The following IGF2R variants were observed in gnomAD, a reference collection of about 807,000 sequenced individuals.
IGF2R encodes insulin like growth factor 2 receptor, also known as cation-independent mannose-6-phosphate receptor.
A neutral mutation model predicts 270.6 loss-of-function variants in IGF2R; 91 were observed. That is an observed-to-expected ratio of 0.34 (90% CI 0.28 to 0.40). The LOEUF (loss-of-function observed/expected upper bound fraction) is 0.40, where lower values mean the gene tolerates loss of function less well. Ranked by LOEUF, IGF2R falls within the 10% of genes least tolerant of loss-of-function variation. The probability of loss-of-function intolerance (pLI) is 1.00; values close to 1 mark genes in which losing one functional copy is unlikely to be tolerated. For synonymous variants in IGF2R, 1,316 were observed against 1,258.9 expected, an observed-to-expected ratio of 1.05 and a Z score of -0.96; for missense variants, 2,805 against 3,188.3, an observed-to-expected ratio of 0.88 and a Z score of 2.90.
intron 3 of IGF2R, 72 bp from the exon 4 acceptor site, chr6:160,010,615 A>G: frequency 1.0e-6 from 1 of 966,580 alleles, no homozygotes; most frequent in Admixed American, 1.9e-5. Context: ...CCTTTACTGC[A>G]TTCTCATTTT....
chr6:159,986,560 G>T (rs1258854746), intron 1 of IGF2R, among the ~76,000 whole-genome samples: 3 of 151,838 alleles, frequency 2.0e-5, no homozygotes, highest in East Asian at 1.9e-4. Flanking sequence ...GTGCCACTGC[G>T]CATGGCCTGA....
chr6:160,057,932 A>G (rs1413156651), intron 20 of IGF2R, 91 bp from the exon 21 acceptor site: 3 of 752,028 alleles, frequency 4.0e-6, no homozygotes, highest in Non-Finnish European at 7.2e-6. Flanking sequence ...TCAGGTGCAT[A>G]CTTGCAGGTT....
intron 13 of IGF2R, among the ~76,000 whole-genome samples, chr6:160,044,903 C>T (rs1160490950): frequency 1.3e-5 from 2 of 152,176 alleles, no homozygotes; most frequent in Non-Finnish European, 2.9e-5. Flanking sequence ...TGGGTCTCAG[C>T]GCTGTATCCT....
At chr6:160,079,239 G>A (rs1583296126) in intron 37 of IGF2R, among the ~76,000 whole-genome samples, 1 of 152,330 alleles carries the variant, frequency 6.6e-6, no homozygotes, top group East Asian at 1.9e-4. Context: ...CCCGCACAAT[G>A]TCTTATTACA....
At chr6:160,006,581 G>T (rs1408741157) in intron 2 of IGF2R, 1 of 152,336 alleles carries the variant, frequency 6.6e-6, no homozygotes, top group African/African-American at 2.4e-5. Flanking sequence ...GGAGAAGGAT[G>T]ATCGTGGCTG....
intron 2 of IGF2R, among the ~76,000 whole-genome samples, chr6:159,995,060 A>G (rs920795584): frequency 1.3e-5 from 2 of 152,080 alleles, no homozygotes. Flanking sequence ...CATTATTATT[A>G]CATTGCTGTC....
chr6:160,065,383 C>T (rs1439111923), intron 29 of IGF2R, among the ~76,000 whole-genome samples: 1 of 152,172 alleles, frequency 6.6e-6, no homozygotes, highest in Non-Finnish European at 1.5e-5. Flanking sequence ...GTATGAGCCA[C>T]TTGATCACTG....
rs1784087915 is a variant in IGF2R, at chr6:159,998,792, G to A, written c.289+7469G>A. On this transcript the variant is annotated intron_variant, in intron 2 of 47. Transcript: ENST00000356956. The surrounding 1 kb of genome is among the most constrained non-coding windows in gnomAD (Gnocchi z 4.1). The stretch of plus-strand genomic sequence containing the variant: ...GTCAATGAGAGTGACATTCACAGTA[G>A]CATAGGGATAATCCCGAATCAAATC... 6.6e-6 allele frequency among the ~76,000 whole-genome samples: 1 copy of A among 152,166 alleles called. No individual in the cohort carries two copies. The highest frequency in any genetic ancestry group is 1.5e-5 in the Non-Finnish European group (1 of 68,028).
intron 22 of IGF2R, among the ~76,000 whole-genome samples, chr6:160,059,821 C>T (rs1296320874): frequency 1.3e-5 from 2 of 152,258 alleles, no homozygotes; most frequent in South Asian, 4.1e-4. Flanking sequence ...TTTGTACTTG[C>T]TCCTCGCTCT....
chr6:160,099,393 G>C (rs1228966556), intron 45 of IGF2R, among the ~76,000 whole-genome samples: 1 of 149,018 alleles, frequency 6.7e-6, no homozygotes, highest in South Asian at 2.1e-4. Flanking sequence ...TTTTGAGACA[G>C]AGTCTCGCTC....
At chr6:160,047,700 G>A in intron 16 of IGF2R, 92 bp from the exon 17 acceptor site, 1 of 821,606 alleles carries the variant, frequency 1.2e-6, no homozygotes, top group Non-Finnish European at 2.2e-6. Flanking sequence ...GTTTCTCATT[G>A]GGAACATTGC....
chr6:160,072,676 C>A, intron 32 of IGF2R, 89 bp from the exon 33 acceptor site: 1 of 1,452,806 alleles, frequency 6.9e-7, no homozygotes, highest in Non-Finnish European at 9.7e-7. Context: ...CCGATGCTGA[C>A]ATAATCTGTG....
intron 7 of IGF2R, among the ~76,000 whole-genome samples, chr6:160,031,760 G>C (rs1470621988): frequency 1.3e-5 from 2 of 152,202 alleles, no homozygotes; most frequent in Non-Finnish European, 2.9e-5. Context: ...AGTGCCTGGC[G>C]TGTAGCAGGT....
intron 4 of IGF2R, among the ~76,000 whole-genome samples, chr6:160,019,270 A>G (rs373709309): frequency 8.5e-5 from 13 of 152,300 alleles, no homozygotes; most frequent in African/African-American, 2.6e-4. Context: ...ACCAATAACA[A>G]GTATTGGGAT....
At chr6:160,008,869 A>G (rs1371124364) in intron 2 of IGF2R, 141 bp from the exon 3 acceptor site, 1 of 811,656 alleles carries the variant, frequency 1.2e-6, no homozygotes, top group African/African-American at 1.7e-5. Context: ...CTGAGATGGA[A>G]AATTCTGGGA....
rs376744962 is a variant in IGF2R, at chr6:160,008,085, G to T, written c.290-925G>T. Among the ~76,000 whole-genome samples, 9 of 152,186 alleles carry T rather than the reference G, an allele frequency of 5.9e-5. No homozygotes were observed. In the East Asian group the frequency reaches 1.7e-3, roughly 29 times the overall value. On this transcript the variant is annotated intron_variant, in intron 2 of 47. Transcript: ENST00000356956. ...ATGATCTAAAAAAAATCACAAAAAA[G>T]ATCTCATAATGTTTTAAGAAAGTTT...
rs184642102 is a variant in IGF2R at position 159,989,314 on chromosome 6, C to T, written c.150-1870C>T. 6.8e-4 allele frequency among the ~76,000 whole-genome samples: 103 copies of T among 152,148 alleles called. 2 individuals are homozygous for T. Among genetic ancestry groups the T allele is most frequent in the Middle Eastern group, 6.8e-3 (2 of 294 alleles). ...TAGTTCAGGGTTGGGGAGGAGGGCA[C>T]GTGGGGGGGCCTGGTGGTTGGTTTT... On this transcript the variant is annotated intron_variant, in intron 1 of 47. Transcript: ENST00000356956.
At chr6:160,046,017 C>T (rs1778061256) in intron 14 of IGF2R, 135 bp downstream of exon 14, 1 of 689,884 alleles carries the variant, frequency 1.4e-6, no homozygotes. Context: ...AAATTCTGAA[C>T]ATCCGATGTT....
At chr6:160,058,168 GGA>G (rs1778354468) in intron 21 of IGF2R, 44 bp downstream of exon 21, 1 of 1,308,668 alleles carries the variant, frequency 7.6e-7, no homozygotes, top group African/African-American at 1.4e-5. Context: ...TGAAACAGGG[GGA>G]GAGTGCATTA....
Sources: gnomAD v4.1 joint callset for allele counts (sites outside exome capture counted in the v4.1 genomes callset) on GRCh38, gnomAD v4.1.1 for gene constraint, Gnocchi (gnomAD v3.1) non-coding constraint, MANE v1.5 for transcripts, NCBI Gene and HGNC (gene_info 2026-07-23, HGNC 2026-07-21) for gene names.